The following MGST3 variants were observed in gnomAD, a reference collection of about 807,000 sequenced individuals.
The protein encoded by MGST3 is glutathione S-transferase 3, mitochondrial.
MGST3 carries 13 observed loss-of-function variants against 15.8 expected under a neutral mutation model. That is an observed-to-expected ratio of 0.82 (90% CI 0.54 to 1.31). The LOEUF is 1.31. Among genes scored for constraint, MGST3 ranks in the 50% most tolerant of loss-of-function variants. MGST3 has a pLI of 0.00. For synonymous variants in MGST3, 49 were observed against 68.1 expected, an observed-to-expected ratio of 0.72 and a Z score of 1.38; for missense variants, 155 against 192.4, an observed-to-expected ratio of 0.81 and a Z score of 1.15.
At chr1:165,649,062 C>G (rs1227061194) in intron 1 of MGST3, 1 of 152,146 alleles carries the variant, frequency 6.6e-6, no homozygotes, top group African/African-American at 2.4e-5. Flanking sequence ...GCTGCTGGCT[C>G]GTGGAAGCCT....
intron 1 of MGST3, chr1:165,637,294 T>C (rs1329000893): frequency 6.6e-6 from 1 of 152,222 alleles, no homozygotes; most frequent in Non-Finnish European, 1.5e-5. Flanking sequence ...CTGGATTTTA[T>C]TTATTTGGGA....
chr1:165,638,043 C>G (rs905077269), intron 1 of MGST3, among the ~76,000 whole-genome samples: 1 of 152,210 alleles, frequency 6.6e-6, no homozygotes, highest in South Asian at 2.1e-4. Flanking sequence ...TGCTACCCCC[C>G]ACGTCCTATA....
intron 1 of MGST3, among the ~76,000 whole-genome samples, chr1:165,633,986 T>C (rs1305095437): frequency 1.3e-5 from 2 of 152,102 alleles, no homozygotes; most frequent in Non-Finnish European, 2.9e-5. Context: ...CTGACACTCA[T>C]TAAAAAGAAA....
In MGST3 at chr1:165,650,395, A is replaced by C. The variant is rs9333469; in HGVS notation, c.117+431A>C. On this transcript the variant is annotated intron_variant, in intron 2 of 5. Transcript: ENST00000367889. Reference sequence around the variant, plus strand: ...TGTTGAGATTAGCCTGGACTTAGACATAGGAAGGTGGTCTATTAAACACTT... The same window carrying C: ...TGTTGAGATTAGCCTGGACTTAGACCTAGGAAGGTGGTCTATTAAACACTT... 3.9e-3 allele frequency: 980 copies of C among 253,626 alleles called. 8 individuals are homozygous for C. The highest frequency in any genetic ancestry group is 0.021 in the African/African-American group (927 of 44,600). 15.7% of individuals were successfully genotyped at this position (253,626 alleles called of 1,614,324 possible).
At chr1:165,654,548 G>A (rs4147608) in intron 5 of MGST3, among the ~76,000 whole-genome samples, 197 bp downstream of exon 5, 38,608 of 151,816 alleles carry the variant, frequency 0.25, 6,352 homozygotes, top group East Asian at 0.81. Flanking sequence ...AAAATTAGCC[G>A]GATGTGGTGG....
intron 1 of MGST3, among the ~76,000 whole-genome samples, chr1:165,637,505 A>G (rs1421039957): frequency 6.6e-6 from 1 of 152,164 alleles, no homozygotes; most frequent in Non-Finnish European, 1.5e-5. Context: ...GGCAGCCAAG[A>G]GGAATTTGGG....
chr1:165,642,820 T>G (rs1648295179), intron 1 of MGST3, among the ~76,000 whole-genome samples: 1 of 152,192 alleles, frequency 6.6e-6, no homozygotes, highest in Non-Finnish European at 1.5e-5. Flanking sequence ...ATGCAGACAA[T>G]TTGATTCCAA....
intron 4 of MGST3, among the ~76,000 whole-genome samples, chr1:165,653,027 C>A (rs1648607008): frequency 6.6e-6 from 1 of 152,256 alleles, no homozygotes; most frequent in South Asian, 2.1e-4. Context: ...TCCTAACCAT[C>A]TGGTTCATCC....
chr1:165,640,658 A>G (rs1297451453), intron 1 of MGST3, among the ~76,000 whole-genome samples: 1 of 152,194 alleles, frequency 6.6e-6, no homozygotes, highest in East Asian at 1.9e-4. Context: ...TAATGCCACC[A>G]AAGTTTGAGA....
intron 3 of MGST3, chr1:165,651,672 G>A: frequency 2.8e-6 from 1 of 359,330 alleles, no homozygotes; most frequent in South Asian, 2.5e-5. Context: ...GGGAGGCCGA[G>A]GTGGGTGGAT....
chr1:165,652,964 C>T (rs1648604792), intron 4 of MGST3, among the ~76,000 whole-genome samples: 1 of 152,220 alleles, frequency 6.6e-6, no homozygotes, highest in Non-Finnish European at 1.5e-5. Context: ...AGATTATCTC[C>T]TGAAACCAAG....
chr1:165,651,258 C>A (rs2101723913), intron 3 of MGST3, 171 bp downstream of exon 3: 1 of 664,144 alleles, frequency 1.5e-6, no homozygotes, highest in Non-Finnish European at 2.7e-6. Flanking sequence ...GACTATTAAG[C>A]AAACTTAAGA....
At chr1:165,644,596 C>T (rs940577657) in intron 1 of MGST3, among the ~76,000 whole-genome samples, 11 of 152,138 alleles carry the variant, frequency 7.2e-5, no homozygotes, top group African/African-American at 2.4e-4. Context: ...ACTTAGGCTA[C>T]ACTACATTCA....
intron 1 of MGST3, chr1:165,647,748 G>T (rs1354521058): frequency 2.0e-5 from 3 of 148,868 alleles, no homozygotes; most frequent in Non-Finnish European, 3.0e-5. Flanking sequence ...TTAAGGCAAG[G>T]TCTTGCTCTG....
chr1:165,632,143 G>GT, intron 1 of MGST3: 1 of 1,116,068 alleles, frequency 9.0e-7, no homozygotes, highest in African/African-American at 1.5e-5. Context: ...TCGGGGGCAA[G>GT]TAAGTGTGGA....
At chr1:165,644,729 T>C (rs1648349883) in intron 1 of MGST3, among the ~76,000 whole-genome samples, 1 of 152,204 alleles carries the variant, frequency 6.6e-6, no homozygotes, top group South Asian at 2.1e-4. Context: ...ACATTGTAAC[T>C]GCATAAAAAT....
rs9333398 is a variant in MGST3, at chr1:165,635,555, C to G, written c.-8+4262C>G. On this transcript the variant is annotated intron_variant, in intron 1 of 5. Transcript: ENST00000367889. The stretch of plus-strand genomic sequence containing the variant: ...AGCATCCTGCTGATCTTCCCTCCCC[C>G]ACTCCCAGCCAGTGCAGCCATGTAT... Among the ~76,000 whole-genome samples, 689 of 152,270 alleles carry G rather than the reference C, an allele frequency of 4.5e-3. 19 individuals carry two copies. The highest frequency in any genetic ancestry group is 0.042 in the Admixed American group (639 of 15,298).
In MGST3 at chr1:165,655,378, G is replaced by A; in HGVS notation, c.333G>A (p.Lys111=). ...AYGYYTGEPS[K]RSRGALGSIA... ...TTTCTTCTTTTTCAGAACCCAGCAAGCGTAGTCGAGGAGCCCTGGGGTCCA... is the reference window on the plus strand; with the variant it reads ...TTTCTTCTTTTTCAGAACCCAGCAAACGTAGTCGAGGAGCCCTGGGGTCCA... The change falls in exon 6 of 6, where the codon AAG becomes AAA. Residue 111 remains lysine (K), a synonymous_variant. Transcript: ENST00000367889. The A allele has an allele frequency of 1.2e-6, 2 of 1,613,986 alleles. No homozygotes were observed. Among genetic ancestry groups the A allele is most frequent in the Non-Finnish European group, 1.7e-6 (2 of 1,179,936 alleles).
chr1:165,638,650 G>A (rs1350046727), intron 1 of MGST3, among the ~76,000 whole-genome samples: 1 of 152,192 alleles, frequency 6.6e-6, no homozygotes, highest in African/African-American at 2.4e-5. Context: ...GGGCATGGTG[G>A]TGCATGTCTG....
Sources: allele counts gnomAD v4.1 joint callset (sites outside exome capture counted in the v4.1 genomes callset), GRCh38; gene constraint gnomAD v4.1.1; transcripts MANE v1.5; gene names NCBI Gene and HGNC (gene_info 2026-07-23, HGNC 2026-07-21).